Variants in ZSCAN30 observed in about 807,000 individuals in gnomAD.
ZSCAN30 encodes zinc finger and SCAN domain-containing protein 30.
In ZSCAN30, 37 loss-of-function variants were observed where a neutral mutation model predicts 44.3. The ratio of observed to expected loss-of-function variants is 0.84; its 90% CI spans 0.64 to 1.10. ZSCAN30 has a LOEUF of 1.10. ZSCAN30 is among the 50% of genes least tolerant of loss of function. ZSCAN30 has a pLI of 0.00. For missense variants in ZSCAN30, 549 were observed against 582.6 expected (o/e 0.94, Z 0.59); for synonymous variants, 181 against 204.6 (o/e 0.88, Z 0.98).
intron 1 of ZSCAN30, among the ~76,000 whole-genome samples, chr18:35,264,993 A>G (rs1177001589): frequency 6.6e-6 from 1 of 152,052 alleles, no homozygotes; most frequent in East Asian, 1.9e-4. Flanking sequence ...AAAAATACAA[A>G]AAATTAGCCG....
intron 3 of ZSCAN30, among the ~76,000 whole-genome samples, chr18:35,259,516 C>A (rs1454110496): frequency 6.6e-6 from 1 of 152,234 alleles, no homozygotes; most frequent in Non-Finnish European, 1.5e-5. Context: ...CTCACAAGAT[C>A]ATCCCTTGGT....
chr18:35,257,826 A>C, intron 3 of ZSCAN30: 1 of 776,060 alleles, frequency 1.3e-6, no homozygotes, highest in Non-Finnish European at 2.4e-6. Context: ...TCAGCGGCCC[A>C]TGAAATGCTC....
chr18:35,254,379 C>T lies in ZSCAN30; in HGVS notation c.556G>A (p.Gly186Ser), dbSNP rs1372141808. The T allele has an allele frequency of 1.9e-6, 3 of 1,613,978 alleles. No individual in the cohort carries two copies. The highest frequency in any genetic ancestry group is 2.5e-6 in the Non-Finnish European group (3 of 1,179,892). Reference sequence around the variant, plus strand: ...AACACTTTGCCAGCCACCATCCTGCCATCTAAAAATGTGAATAGAAAGTGT... The same window carrying T: ...AACACTTTGCCAGCCACCATCCTGCTATCTAAAAATGTGAATAGAAAGTGT... ...QESQAFQERD[G>S]RMVAGKVLMA... The change falls in exon 4 of 4, where the codon GGC becomes AGC. Residue 186 changes from glycine (G) to serine (S), a missense_variant and splice_region_variant. Transcript: ENST00000333206.
chr18:35,270,578 C>A lies in ZSCAN30; in HGVS notation c.-103-6123G>T, dbSNP rs147287183. Among the ~76,000 whole-genome samples the A allele has an allele frequency of 2.0e-5, 3 of 152,262 alleles. No homozygotes were observed. The East Asian group carries it at 5.8e-4, about 29-fold the overall frequency. ...ATTTCTCTTTGGTTCAAGTTCACAT[C>A]CATTATTTTATTTATTTTTTGAGAC... On this transcript the variant is annotated intron_variant, in intron 1 of 3. Coordinates refer to ENST00000333206, the MANE Select transcript of ZSCAN30 (RefSeq NM_001112734.4).
intron 1 of ZSCAN30, among the ~76,000 whole-genome samples, chr18:35,278,572 G>A (rs539168139): frequency 8.5e-5 from 13 of 152,216 alleles, no homozygotes; most frequent in African/African-American, 1.9e-4. Context: ...ACACCTAATC[G>A]CTTCACCAAA....
intron 1 of ZSCAN30, chr18:35,281,087 G>C (rs1043522351): frequency 2.0e-5 from 3 of 152,182 alleles, no homozygotes; most frequent in African/African-American, 7.2e-5. Flanking sequence ...CACTGCTCTA[G>C]AGCGTATGCC....
At chr18:35,267,621 G>A (rs1188383531) in intron 1 of ZSCAN30, 1 of 152,226 alleles carries the variant, frequency 6.6e-6, no homozygotes, top group Non-Finnish European at 1.5e-5. Context: ...TCTCGCAGGA[G>A]GGGCGCGGGT....
chr18:35,277,260 T>C (rs1205417968), intron 1 of ZSCAN30, among the ~76,000 whole-genome samples: 1 of 152,146 alleles, frequency 6.6e-6, no homozygotes, highest in Non-Finnish European at 1.5e-5. Flanking sequence ...GATTTGGACT[T>C]TTGGGTTAAT....
intron 3 of ZSCAN30, 50 bp downstream of exon 3, chr18:35,263,463 T>C (rs527455643): frequency 3.1e-6 from 5 of 1,608,246 alleles, no homozygotes; most frequent in South Asian, 1.1e-5. Context: ...GTGCCACAGT[T>C]GATAGCTCTC....
intron 3 of ZSCAN30, among the ~76,000 whole-genome samples, chr18:35,256,636 A>T (rs1236300741): frequency 6.6e-6 from 1 of 152,234 alleles, no homozygotes; most frequent in East Asian, 1.9e-4. Flanking sequence ...CTATCTCCCA[A>T]GAATGAAAAC....
intron 1 of ZSCAN30, among the ~76,000 whole-genome samples, chr18:35,278,783 A>G (rs897694983): frequency 6.6e-6 from 1 of 152,242 alleles, no homozygotes; most frequent in African/African-American, 2.4e-5. Context: ...ACTCAGGTTC[A>G]TTAGTTACAA....
chr18:35,289,823 C>T (rs1231194096), intron 1 of ZSCAN30: 2 of 152,182 alleles, frequency 1.3e-5, no homozygotes, highest in African/African-American at 4.8e-5. Flanking sequence ...TTCAGGATCA[C>T]CTGAGAACCT....
intron 1 of ZSCAN30, 137 bp from the exon 2 acceptor site, chr18:35,264,592 T>C: frequency 4.2e-6 from 2 of 479,132 alleles, no homozygotes; most frequent in East Asian, 3.5e-5. Flanking sequence ...ACATAAATGA[T>C]ACATTTATAG....
At chr18:35,255,534 C>T (rs973606325) in intron 3 of ZSCAN30, among the ~76,000 whole-genome samples, 1 of 152,030 alleles carries the variant, frequency 6.6e-6, no homozygotes, top group African/African-American at 2.4e-5. Context: ...ATGCTATCTG[C>T]CTTCCATATT....
chr18:35,256,054 A>G (rs1454953389), intron 3 of ZSCAN30, among the ~76,000 whole-genome samples: 1 of 152,162 alleles, frequency 6.6e-6, no homozygotes. Context: ...GAAAATTAGA[A>G]AAGCAATGTA....
chr18:35,266,470 G>A (rs776790278), intron 1 of ZSCAN30, among the ~76,000 whole-genome samples: 2 of 152,078 alleles, frequency 1.3e-5, no homozygotes, highest in Non-Finnish European at 2.9e-5. Context: ...AGAGAGAGGG[G>A]TCAAGGACTC....
intron 1 of ZSCAN30, chr18:35,281,156 G>A (rs1359976122): frequency 6.6e-6 from 1 of 152,200 alleles, no homozygotes; most frequent in African/African-American, 2.4e-5. Context: ...CAAGTGAAAT[G>A]AGAAATAGAA....
intron 1 of ZSCAN30, among the ~76,000 whole-genome samples, chr18:35,285,771 C>T (rs1342984551): frequency 6.6e-6 from 1 of 151,360 alleles, no homozygotes; most frequent in Non-Finnish European, 1.5e-5. Context: ...TATTACAAAT[C>T]AGAGGCCTCA....
Position 35,254,101 on chromosome 18 carries a change from A to C in ZSCAN30, c.834T>G (p.Ser278Arg). 1.9e-6 allele frequency: 3 copies of C among 1,613,910 alleles called. No individual in the cohort carries two copies. The highest frequency in any genetic ancestry group is 2.5e-6 in the Non-Finnish European group (3 of 1,179,992). ...TTGAATTCATACTGAAACTTCCTTC[A>C]CTCTCATGAGATTCAAGGACACTGT... ...TEHSVLESHE[S>R]EGSFSMNSND... is the part of the protein sequence containing the mutation. The change falls in exon 4 of 4, where the codon AGT becomes AGG. Residue 278 changes from serine to arginine, a missense_variant. Ser to Arg is a moderately radical substitution (Grantham distance 110). Transcript: ENST00000333206.
Sources: gnomAD v4.1 joint callset for allele counts (sites outside exome capture counted in the v4.1 genomes callset) on GRCh38, gnomAD v4.1.1 for gene constraint, MANE v1.5 for transcripts, NCBI Gene and HGNC (gene_info 2026-07-23, HGNC 2026-07-21) for gene names.